Variants in PRH1 observed in about 807,000 individuals in gnomAD.
PRH1 encodes salivary acidic proline-rich phosphoprotein 1/2.
Under a neutral mutation model 7.9 loss-of-function variants are expected in PRH1, and 7 were observed. The ratio of observed to expected loss-of-function variants is 0.89; its 90% CI spans 0.50 to 1.67. PRH1 has a LOEUF of 1.67. Among genes scored for constraint, PRH1 ranks in the 40% most tolerant of loss-of-function variants. The pLI is 0.00. For synonymous variants in PRH1, 45 were observed against 80.8 expected (o/e 0.56, Z 2.38); for missense variants, 109 against 223.6 (o/e 0.49, Z 3.27).
At chr12:10,976,420 C>T (rs889533705) in intron 1 of PRH1, among the ~76,000 whole-genome samples, 1 of 152,084 alleles carries the variant, frequency 6.6e-6, no homozygotes, top group African/African-American at 2.4e-5. Flanking sequence ...ATAGCTAAGG[C>T]AGTGTTAAGA....
At chr12:11,061,221 A>G (rs1218061442) in intron 1 of PRH1, 1 of 1,136,846 alleles carries the variant, frequency 8.8e-7, no homozygotes, top group Non-Finnish European at 1.2e-6. Context: ...TTTTTAGACT[A>G]ACGTTAGGTA....
chr12:10,997,036 A>G lies in PRH1; in HGVS notation c.-125-23315T>C, dbSNP rs755070677. On this transcript the variant is annotated intron_variant, in intron 1 of 3. Coordinates refer to the PRH1 transcript ENST00000539853. ...TCTGCTTTAGCGTCTTGTTCCCCCAAATCAGAATGAATGAGTGGAATGATG... is the reference window on the plus strand; with the variant it reads ...TCTGCTTTAGCGTCTTGTTCCCCCAGATCAGAATGAATGAGTGGAATGATG... 7 of 1,614,024 alleles carry G rather than the reference A, an allele frequency of 4.3e-6. No homozygotes were observed. The South Asian group carries it at 5.5e-5, about 13-fold the overall frequency.
intron 1 of PRH1, among the ~76,000 whole-genome samples, chr12:10,980,615 A>G (rs1406892460): frequency 3.3e-5 from 5 of 152,152 alleles, no homozygotes; most frequent in South Asian, 4.1e-4. Context: ...ATTCCTCTCT[A>G]TTGAACCATT....
At chr12:11,133,960 G>A (rs1422544098) in intron 1 of PRH1, 1 of 1,614,128 alleles carries the variant, frequency 6.2e-7, no homozygotes, top group South Asian at 1.1e-5. Context: ...CAAGCCAGCT[G>A]CTGAAATGGT....
chr12:11,104,498 T>C lies in PRH1; in HGVS notation n.124-57310A>G, dbSNP rs145646983. On this transcript the variant is annotated intron_variant and non_coding_transcript_variant, in intron 1 of 4. Transcript: ENST00000541977. ...TCAAATTTGTTCATTTTCTTTGTTG[T>C]ATTATTCTGTTGTAAACATGTCAGT... Among the ~76,000 whole-genome samples, 600 of 152,338 alleles carry C rather than the reference T, an allele frequency of 3.9e-3. 1 individual carries two copies. The highest frequency in any genetic ancestry group is 0.014 in the African/African-American group (578 of 41,574).
At chr12:10,971,696 G>T (rs929113964) in intron 2 of PRH1, among the ~76,000 whole-genome samples, 1 of 152,018 alleles carries the variant, frequency 6.6e-6, no homozygotes, top group Non-Finnish European at 1.5e-5. Flanking sequence ...AGCAGTGTTT[G>T]AAAATTCTCA....
At chr12:10,987,980 C>T (rs1939736775) in intron 1 of PRH1, among the ~76,000 whole-genome samples, 1 of 152,044 alleles carries the variant, frequency 6.6e-6, no homozygotes, top group African/African-American at 2.4e-5. Flanking sequence ...AGATGGCTTC[C>T]ATATTGGGGT....
chr12:11,153,102 T>G (rs1349222542), intron 1 of PRH1, among the ~76,000 whole-genome samples: 1 of 152,184 alleles, frequency 6.6e-6, no homozygotes, highest in Admixed American at 6.5e-5. Context: ...ACAAAATAAC[T>G]TATAATCAAG....
intron 1 of PRH1, among the ~76,000 whole-genome samples, chr12:11,142,923 G>C (rs2079563903): frequency 6.6e-6 from 1 of 152,100 alleles, no homozygotes; most frequent in South Asian, 2.1e-4. Context: ...ATAAACACCA[G>C]ATCTGTCCTA....
chr12:10,987,838 C>T (rs1565525348), intron 1 of PRH1, among the ~76,000 whole-genome samples: 2 of 152,102 alleles, frequency 1.3e-5, no homozygotes, highest in Admixed American at 6.6e-5. Context: ...CTGAGTACCA[C>T]ACCCTATGAC....
At chr12:11,099,699 A>T (rs564958047) in intron 1 of PRH1, among the ~76,000 whole-genome samples, 33 of 152,286 alleles carry the variant, frequency 2.2e-4, no homozygotes, top group African/African-American at 7.7e-4. Context: ...TCCATCTCAA[A>T]AAACAGAAAA....
chr12:11,065,483 A>G (rs1289828819), intron 1 of PRH1, among the ~76,000 whole-genome samples: 5 of 151,934 alleles, frequency 3.3e-5, no homozygotes, highest in Admixed American at 2.6e-4. Context: ...CTAGCCTTAT[A>G]TTTTCTACCT....
chr12:11,113,982 G>A (rs1487810412), intron 1 of PRH1, among the ~76,000 whole-genome samples: 1 of 151,958 alleles, frequency 6.6e-6, no homozygotes, highest in Non-Finnish European at 1.5e-5. Context: ...ACAGAATGGT[G>A]ATCATTAAAA....
chr12:11,083,853 C>T (rs1944582033), intron 1 of PRH1, among the ~76,000 whole-genome samples: 1 of 151,444 alleles, frequency 6.6e-6, no homozygotes, highest in Admixed American at 6.6e-5. Flanking sequence ...CTAATAATTC[C>T]TCTCATATCT....
chr12:10,996,739 T>C, intron 1 of PRH1: 2 of 363,920 alleles, frequency 5.5e-6, no homozygotes, highest in Non-Finnish European at 9.6e-6. Flanking sequence ...TAAATTTTCA[T>C]ATACATTCAG....
intron 1 of PRH1, among the ~76,000 whole-genome samples, chr12:11,063,424 G>A (rs1481412876): frequency 1.3e-5 from 2 of 152,000 alleles, no homozygotes; most frequent in East Asian, 3.9e-4. Context: ...CAGAAGGAGA[G>A]TGAGAAACTA....
chr12:10,990,284 G>A (rs563647143), intron 1 of PRH1, among the ~76,000 whole-genome samples: 3 of 152,162 alleles, frequency 2.0e-5, no homozygotes, highest in African/African-American at 7.2e-5. Context: ...AATGAAACTA[G>A]ATGCCTATTT....
intron 1 of PRH1, among the ~76,000 whole-genome samples, chr12:11,082,793 T>G (rs796423167): frequency 5.5e-4 from 55 of 100,516 alleles, no homozygotes; most frequent in East Asian, 7.2e-4. Flanking sequence ...TTTAATTTTG[T>G]TCCACTTCCA....
chr12:11,120,970 G>A (rs1247583894), exon 2 of PRH1: 1 of 154,878 alleles, frequency 6.5e-6, no homozygotes, highest in Admixed American at 6.6e-5. Context: ...AAATGATCAA[G>A]ATTGGTGGTT....
Sources: allele counts gnomAD v4.1 joint callset (sites outside exome capture counted in the v4.1 genomes callset), GRCh38; gene constraint gnomAD v4.1.1; transcripts MANE v1.5; gene names NCBI Gene and HGNC (gene_info 2026-07-23, HGNC 2026-07-21).